Variants in SYCP1 observed in about 807,000 individuals in gnomAD.
The protein encoded by SYCP1 is synaptonemal complex protein 1, also known as cancer/testis antigen 8.
Under a neutral mutation model 153.1 loss-of-function variants are expected in SYCP1, and 64 were observed. The observed-to-expected ratio is 0.42, with a 90% CI of 0.34 to 0.51. The LOEUF is 0.51. Ranked by LOEUF, SYCP1 falls within the 20% of genes least tolerant of loss-of-function variation. SYCP1 has a pLI of 0.06. For missense variants in SYCP1, 997 were observed against 1,049.0 expected (o/e 0.95, Z 0.68); for synonymous variants, 384 against 341.8 (o/e 1.12, Z -1.36).
chr1:114,952,309 C>T (rs1671159206), intron 27 of SYCP1, among the ~76,000 whole-genome samples: 1 of 152,180 alleles, frequency 6.6e-6, no homozygotes, highest in Non-Finnish European at 1.5e-5. Flanking sequence ...TCTCTGCATC[C>T]TTACCAGCAG....
At chr1:114,918,018 G>A (rs939770700) in intron 20 of SYCP1, among the ~76,000 whole-genome samples, 2 of 151,600 alleles carry the variant, frequency 1.3e-5, no homozygotes, top group Admixed American at 6.6e-5. Flanking sequence ...TTTTGCTTTG[G>A]TTGTCTGTAA....
rs144798826 is a variant in SYCP1, at chr1:114,880,903, T to G, written c.910+2701T>G. ...AACTAATTTTTGTTTTCCTTTTTAA[T>G]GTTTGCTTGTTATTGCCTAATTTAT... On this transcript the variant is annotated intron_variant, in intron 12 of 31. Coordinates refer to ENST00000369522, the MANE Select transcript of SYCP1 (RefSeq NM_003176.4). 4.0e-4 allele frequency among the ~76,000 whole-genome samples: 61 copies of G among 152,314 alleles called. 1 individual carries two copies. In the East Asian group the frequency reaches 0.011, roughly 26 times the overall value.
At chr1:114,884,007 A>AT (rs1288043695) in intron 12 of SYCP1, among the ~76,000 whole-genome samples, 2 of 151,908 alleles carry the variant, frequency 1.3e-5, no homozygotes, top group African/African-American at 4.8e-5. Flanking sequence ...TACTTTTTCT[A>AT]TTTTTTCCCC....
At chr1:114,959,020 T>C (rs1165694958) in intron 27 of SYCP1, among the ~76,000 whole-genome samples, 1 of 152,108 alleles carries the variant, frequency 6.6e-6, no homozygotes, top group African/African-American at 2.4e-5. Context: ...CTGTGGGTTG[T>C]TTTTTCAGTT....
At position 114,984,755 on chromosome 1, in the gene SYCP1, A is replaced by G; in HGVS notation, c.2590A>G (p.Lys864Glu). The G allele has an allele frequency of 6.7e-7, 1 of 1,494,656 alleles. No individual in the cohort carries two copies. Among genetic ancestry groups the G allele is most frequent in the Admixed American group, 2.4e-5 (1 of 41,568 alleles). 92.6% of individuals were successfully genotyped at this position (1,494,656 alleles called of 1,614,324 possible). ...TACAGTGAAGACACCAACAAAACCA[A>G]AACTACAGCAAAGAGAAAACTTGAA... ...AYTVKTPTKPKLQQRENLNIP... is the reference protein window; with the variant it reads ...AYTVKTPTKPELQQRENLNIP... The change falls in exon 30 of 32, where the codon AAA (lysine) becomes GAA (glutamate). Residue 864 changes from lysine to glutamate, a missense_variant. Physicochemically the swap from Lys to Glu is moderately conservative, Grantham distance 56. Coordinates refer to ENST00000369522, the MANE Select transcript of SYCP1 (RefSeq NM_003176.4).
intron 30 of SYCP1, among the ~76,000 whole-genome samples, chr1:114,986,423 T>C (rs1367217670): frequency 6.6e-6 from 1 of 152,038 alleles, no homozygotes; most frequent in Admixed American, 6.6e-5. Flanking sequence ...AGTTTGAGTT[T>C]AGGCCAATTT....
intron 8 of SYCP1, among the ~76,000 whole-genome samples, chr1:114,862,489 A>G (rs1664447448): frequency 6.6e-6 from 1 of 151,986 alleles, no homozygotes; most frequent in Admixed American, 6.5e-5. Context: ...AGCTGTGACT[A>G]CAGGTGCCCA....
chr1:114,955,410 T>A (rs1389040584), intron 27 of SYCP1, among the ~76,000 whole-genome samples: 1 of 152,212 alleles, frequency 6.6e-6, no homozygotes, highest in African/African-American at 2.4e-5. Context: ...CTGGTTATGA[T>A]ATCATGAGTC....
At chr1:114,891,025 T>A (rs948666301) in intron 15 of SYCP1, among the ~76,000 whole-genome samples, 13 of 152,190 alleles carry the variant, frequency 8.5e-5, no homozygotes, top group African/African-American at 3.1e-4. Context: ...TAATCTTTAT[T>A]CATCCCCCCT....
At chr1:114,939,175 T>C (rs551437661) in intron 23 of SYCP1, among the ~76,000 whole-genome samples, 1 of 152,270 alleles carries the variant, frequency 6.6e-6, no homozygotes, top group East Asian at 1.9e-4. Context: ...CATTGACAGA[T>C]GAATGGGTAG....
intron 23 of SYCP1, among the ~76,000 whole-genome samples, chr1:114,938,100 A>G (rs568306178): frequency 1.5e-3 from 225 of 152,314 alleles, no homozygotes; most frequent in African/African-American, 5.1e-3. Context: ...ATGCACATGT[A>G]TGTTTATTGC....
intron 27 of SYCP1, among the ~76,000 whole-genome samples, chr1:114,958,077 A>C (rs780583382): frequency 6.6e-6 from 1 of 152,250 alleles, no homozygotes; most frequent in Non-Finnish European, 1.5e-5. Flanking sequence ...TGTGGTATAC[A>C]TTCCATATGC....
chr1:114,957,678 A>C (rs1671527144), intron 27 of SYCP1, among the ~76,000 whole-genome samples: 1 of 152,230 alleles, frequency 6.6e-6, no homozygotes, highest in South Asian at 2.1e-4. Flanking sequence ...GTATATGAAA[A>C]CATGCTCAAC....
intron 8 of SYCP1, among the ~76,000 whole-genome samples, chr1:114,867,987 A>G (rs1664876664): frequency 1.3e-5 from 2 of 152,070 alleles, no homozygotes; most frequent in Admixed American, 6.6e-5. Context: ...ATTTTGTCAA[A>G]TAATTTTTCT....
intron 12 of SYCP1, among the ~76,000 whole-genome samples, chr1:114,883,980 C>T (rs942256465): frequency 9.9e-5 from 15 of 152,204 alleles, no homozygotes; most frequent in African/African-American, 1.4e-4. Context: ...CATGAACCAC[C>T]GGGCCTGGCC....
chr1:114,973,171 G>A (rs1672598654), intron 27 of SYCP1, among the ~76,000 whole-genome samples: 1 of 152,064 alleles, frequency 6.6e-6, no homozygotes, highest in Non-Finnish European at 1.5e-5. Flanking sequence ...GGAGCCCAGA[G>A]AAAAAGATAA....
intron 13 of SYCP1, among the ~76,000 whole-genome samples, chr1:114,885,849 G>T (rs1426663063): frequency 6.6e-6 from 1 of 152,132 alleles, no homozygotes. Context: ...ACAACAGGGT[G>T]GTTTAGGTAA....
At chr1:114,968,118 C>T (rs911437013) in intron 27 of SYCP1, among the ~76,000 whole-genome samples, 1 of 152,094 alleles carries the variant, frequency 6.6e-6, no homozygotes. Context: ...AGATTTTTTC[C>T]TTCATTTCAA....
At chr1:114,940,182 C>T (rs1165352221) in intron 23 of SYCP1, among the ~76,000 whole-genome samples, 1 of 152,120 alleles carries the variant, frequency 6.6e-6, no homozygotes, top group Non-Finnish European at 1.5e-5. Flanking sequence ...ACTGCAACCT[C>T]TACCTCCTGG....
Sources: gnomAD v4.1 joint callset for allele counts (sites outside exome capture counted in the v4.1 genomes callset) on GRCh38, gnomAD v4.1.1 for gene constraint, MANE v1.5 for transcripts, NCBI Gene and HGNC (gene_info 2026-07-23, HGNC 2026-07-21) for gene names.